Variants in CSMD1 observed in about 807,000 individuals in gnomAD.
CSMD1 encodes the protein CUB and Sushi multiple domains 1.
In CSMD1, 213 loss-of-function variants were observed where a neutral mutation model predicts 417.5. That is an observed-to-expected ratio of 0.51 (90% CI 0.46 to 0.57). The LOEUF (loss-of-function observed/expected upper bound fraction) is 0.57, where lower values mean the gene tolerates loss of function less well. CSMD1 is among the 20% of genes least tolerant of loss of function. The probability of loss-of-function intolerance (pLI) is 0.00; values close to 1 mark genes in which losing one functional copy is unlikely to be tolerated. For synonymous variants in CSMD1, 2,862 were observed against 1,736.8 expected, an observed-to-expected ratio of 1.65 and a Z score of -16.11; for missense variants, 6,923 against 4,529.7, an observed-to-expected ratio of 1.53 and a Z score of -15.17.
chr8:4,043,987 C>T (rs1444924648), intron 3 of CSMD1, among the ~76,000 whole-genome samples: 1 of 151,882 alleles, frequency 6.6e-6, no homozygotes, highest in East Asian at 1.9e-4. Flanking sequence ...TTAAATGCAA[C>T]TGTAATGTCA....
intron 41 of CSMD1, among the ~76,000 whole-genome samples, chr8:3,123,827 A>C (rs947365273): frequency 6.6e-6 from 1 of 152,198 alleles, no homozygotes; most frequent in South Asian, 2.1e-4. Context: ...TAACAGAGAC[A>C]CACACACATT....
intron 1 of CSMD1, among the ~76,000 whole-genome samples, chr8:4,865,128 T>C (rs1035981008): frequency 3.3e-5 from 5 of 151,754 alleles, no homozygotes; most frequent in African/African-American, 4.8e-5. Flanking sequence ...AAATTCAAAG[T>C]TTTATAACAT....
intron 5 of CSMD1, among the ~76,000 whole-genome samples, chr8:3,843,693 G>A (rs979233341): frequency 1.3e-5 from 2 of 152,190 alleles, no homozygotes; most frequent in Non-Finnish European, 2.9e-5. Context: ...CCCACAGTGG[G>A]TGGAACACAG....
chr8:3,396,896 G>T (rs538277752), intron 16 of CSMD1, among the ~76,000 whole-genome samples: 9 of 151,918 alleles, frequency 5.9e-5, no homozygotes, highest in African/African-American at 2.2e-4. Flanking sequence ...AAAAAATCCT[G>T]TGCCTTTTTA....
chr8:3,909,380 C>T (rs1278160225), intron 5 of CSMD1, among the ~76,000 whole-genome samples: 1 of 152,062 alleles, frequency 6.6e-6, no homozygotes. Flanking sequence ...AGGAGGAACC[C>T]AGACCAAATC....
At chr8:4,407,907 A>C (rs1161725622) in intron 3 of CSMD1, among the ~76,000 whole-genome samples, 2 of 152,180 alleles carry the variant, frequency 1.3e-5, no homozygotes, top group Non-Finnish European at 2.9e-5. Flanking sequence ...AACACATCCA[A>C]AGCTGAAACG....
chr8:4,514,879 C>G, intron 2 of CSMD1, among the ~76,000 whole-genome samples: 1 of 152,272 alleles, frequency 6.6e-6, no homozygotes, highest in East Asian at 1.9e-4. Flanking sequence ...TAAACAACCA[C>G]ACCAAAAACA....
intron 54 of CSMD1, among the ~76,000 whole-genome samples, chr8:2,995,428 G>A (rs1024378710): frequency 2.8e-4 from 43 of 152,164 alleles, no homozygotes; most frequent in African/African-American, 9.4e-4. Context: ...AAACTTCATC[G>A]CCCACACATG....
chr8:4,911,965 C>A (rs1019050656), intron 1 of CSMD1, among the ~76,000 whole-genome samples: 9 of 151,648 alleles, frequency 5.9e-5, no homozygotes, highest in Non-Finnish European at 1.2e-4. Context: ...CCAGAAAGTT[C>A]AGTTTAATAA....
At chr8:4,935,263 G>C (rs924150486) in intron 1 of CSMD1, among the ~76,000 whole-genome samples, 1 of 152,130 alleles carries the variant, frequency 6.6e-6, no homozygotes, top group Non-Finnish European at 1.5e-5. Flanking sequence ...TCTTCAGTTA[G>C]ATATCCTCAA....
In CSMD1 at chr8:3,408,614, C is replaced by G. The variant is rs576894792; in HGVS notation, c.1745-389G>C. On this transcript the variant is annotated intron_variant, in intron 13 of 69. Coordinates refer to ENST00000635120, the MANE Select transcript of CSMD1 (RefSeq NM_033225.6). ...AACAATTCAGCCTGCTCTTTCATAA[C>G]TTTTAAATTTATATTTTATACTTTC... Among the ~76,000 whole-genome samples the G allele has an allele frequency of 1.5e-4, 23 of 152,100 alleles. 1 individual carries two copies. The South Asian group carries it at 3.9e-3, about 26-fold the overall frequency.
chr8:3,382,368 C>G (rs2116778118), intron 18 of CSMD1, among the ~76,000 whole-genome samples: 1 of 143,624 alleles, frequency 7.0e-6, no homozygotes, highest in Non-Finnish European at 1.5e-5. Flanking sequence ...TATTAGCATT[C>G]CAATAACTTT....
Position 4,299,838 on chromosome 8 carries a change from C to G in CSMD1, c.415+120115G>C, listed in dbSNP as rs141944248. On this transcript the variant is annotated intron_variant, in intron 3 of 69. Transcript: ENST00000635120. ...TACAGATGGGTTTTCACCTTCTTGG[C>G]CAGGATGGTCTCGATCTCCTGACTT... Among the ~76,000 whole-genome samples, 666 of 152,162 alleles carry G rather than the reference C, an allele frequency of 4.4e-3. 2 individuals are homozygous for G. The highest frequency in any genetic ancestry group is 0.015 in the African/African-American group (634 of 41,518).
chr8:3,333,707 G>C (rs932646144), intron 23 of CSMD1, among the ~76,000 whole-genome samples: 1 of 152,096 alleles, frequency 6.6e-6, no homozygotes, highest in Non-Finnish European at 1.5e-5. Flanking sequence ...ACTTTCCCCT[G>C]GTTCTTAGCA....
chr8:3,993,778 G>T (rs556464497), intron 5 of CSMD1, among the ~76,000 whole-genome samples: 2 of 152,298 alleles, frequency 1.3e-5, no homozygotes, highest in Non-Finnish European at 2.9e-5. Context: ...TGTTTTCCAG[G>T]GAGGGAGATC....
chr8:3,627,775 G>T (rs970655859), intron 7 of CSMD1, among the ~76,000 whole-genome samples: 1 of 152,136 alleles, frequency 6.6e-6, no homozygotes, highest in Non-Finnish European at 1.5e-5. Flanking sequence ...AAAAGTGAGG[G>T]TTGGAATTTC....
At chr8:4,120,980 A>G (rs1220935390) in intron 3 of CSMD1, among the ~76,000 whole-genome samples, 2 of 152,204 alleles carry the variant, frequency 1.3e-5, no homozygotes, top group African/African-American at 4.8e-5. Flanking sequence ...GACAAACTAT[A>G]CATGAAACAT....
chr8:4,409,265 A>AT (rs1454167855), intron 3 of CSMD1, among the ~76,000 whole-genome samples: 1 of 152,138 alleles, frequency 6.6e-6, no homozygotes, highest in Non-Finnish European at 1.5e-5. Context: ...CTTCCTACTT[A>AT]TTTCCAGTGT....
Position 3,835,953 on chromosome 8 carries a change from C to G in CSMD1, c.819-81911G>C, listed in dbSNP as rs17067715. 6.7e-3 allele frequency among the ~76,000 whole-genome samples: 1,014 copies of G among 152,136 alleles called. 1 individual carries two copies. Among genetic ancestry groups the G allele is most frequent in the South Asian group, 0.021 (102 of 4,814 alleles). On this transcript the variant is annotated intron_variant, in intron 5 of 69. Transcript: ENST00000635120. ...GAACAATATGGGTCCAGGAATAGAACTTTTGGATTAAGACCTTGACTCTCT... is the reference window on the plus strand; with the variant it reads ...GAACAATATGGGTCCAGGAATAGAAGTTTTGGATTAAGACCTTGACTCTCT...
Sources: gnomAD v4.1 joint callset for allele counts (sites outside exome capture counted in the v4.1 genomes callset) on GRCh38, gnomAD v4.1.1 for gene constraint, MANE v1.5 for transcripts, NCBI Gene and HGNC (gene_info 2026-07-23, HGNC 2026-07-21) for gene names.